ACVR2A: variants seen among roughly 807,000 people sequenced by gnomAD.
The protein encoded by ACVR2A is activin receptor type-2A.
ACVR2A carries 7 observed loss-of-function variants against 61.4 expected under a neutral mutation model. The observed-to-expected ratio is 0.11, with a 90% CI of 0.06 to 0.21. The LOEUF is 0.21. Among genes scored for constraint, ACVR2A ranks in the 10% least tolerant of loss-of-function variants. ACVR2A has a pLI of 1.00. For missense variants in ACVR2A, 322 were observed against 621.7 expected, an observed-to-expected ratio of 0.52 and a Z score of 5.13; for synonymous variants, 193 against 208.3, an observed-to-expected ratio of 0.93 and a Z score of 0.63.
chr2:147,844,951 T>A (rs1685260024), upstream of ACVR2A: 2 of 498,650 alleles, frequency 4.0e-6, no homozygotes, highest in Admixed American at 7.9e-5. Flanking sequence ...GCATTTTATT[T>A]TTTATCGTTG....
Position 147,866,128 on chromosome 2 carries a change from A to T in ACVR2A, c.55+20921A>T, listed in dbSNP as rs533270323. Reference sequence around the variant, plus strand: ...CAAAATGGTATCAAGCATTAAAGCCAGAGGGTTAGAAGTGACTGAGAAAAC... The same window carrying T: ...CAAAATGGTATCAAGCATTAAAGCCTGAGGGTTAGAAGTGACTGAGAAAAC... On this transcript the variant is annotated intron_variant, in intron 1 of 10. Coordinates refer to ENST00000241416, the MANE Select transcript of ACVR2A (RefSeq NM_001616.5). 3.3e-5 allele frequency among the ~76,000 whole-genome samples: 5 copies of T among 152,270 alleles called. No homozygotes were observed. The East Asian group carries it at 9.7e-4, about 29-fold the overall frequency.
chr2:147,897,764 T>C (rs765493550), intron 2 of ACVR2A, among the ~76,000 whole-genome samples: 3 of 152,198 alleles, frequency 2.0e-5, no homozygotes, highest in South Asian at 4.1e-4. Flanking sequence ...GATTTAGATA[T>C]ATATTTCGTA....
chr2:147,860,848 A>C (rs553293391), intron 1 of ACVR2A, among the ~76,000 whole-genome samples: 1 of 152,210 alleles, frequency 6.6e-6, no homozygotes, highest in East Asian at 1.9e-4. Flanking sequence ...CTGAAGACTT[A>C]GTATTTTTTA....
intron 4 of ACVR2A, among the ~76,000 whole-genome samples, chr2:147,914,812 A>G (rs1398901356): frequency 6.6e-6 from 1 of 151,958 alleles, no homozygotes; most frequent in Non-Finnish European, 1.5e-5. Context: ...TGTTTCTGGC[A>G]CTTTTCAAAT....
chr2:147,926,976 T>A (rs1380109170), intron 10 of ACVR2A, 104 bp from the exon 11 acceptor site: 1 of 1,113,880 alleles, frequency 9.0e-7, no homozygotes, highest in Non-Finnish European at 1.3e-6. Flanking sequence ...GACAGAAACT[T>A]CTTTGACCCA....
At chr2:147,925,030 G>T (rs543795338) in intron 9 of ACVR2A, among the ~76,000 whole-genome samples, 24 of 152,114 alleles carry the variant, frequency 1.6e-4, no homozygotes, top group African/African-American at 5.8e-4. Context: ...CTACCCAGGA[G>T]TATTTAGTGC....
At chr2:147,892,120 C>T (rs759924936) in intron 1 of ACVR2A, among the ~76,000 whole-genome samples, 11 of 151,808 alleles carry the variant, frequency 7.2e-5, no homozygotes, top group Non-Finnish European at 1.2e-4. Flanking sequence ...TACAGGTGCG[C>T]GCCACTATGC....
At chr2:147,871,318 T>G (rs761734498) in intron 1 of ACVR2A, among the ~76,000 whole-genome samples, 10 of 152,136 alleles carry the variant, frequency 6.6e-5, no homozygotes, top group Non-Finnish European at 8.8e-5. Flanking sequence ...TAATACTACT[T>G]AAATTAGTGG....
At chr2:147,898,028 T>C (rs1460956608) in intron 2 of ACVR2A, among the ~76,000 whole-genome samples, 1 of 152,158 alleles carries the variant, frequency 6.6e-6, no homozygotes, top group African/African-American at 2.4e-5. Flanking sequence ...CTTTGCTCTT[T>C]ACCTAAAGAC....
In ACVR2A at chr2:147,929,379, T is replaced by C. The variant is rs573683520; in HGVS notation, c.*2105T>C. On this transcript the variant is annotated 3_prime_UTR_variant, in exon 11 of 11. Transcript: ENST00000241416. ...AACATTTAACTTTCTTTTTAAAAGT[T>C]AAACAAAAATAAACAAGGGATATTA... 53 of 152,038 alleles carry C rather than the reference T, an allele frequency of 3.5e-4. No individual in the cohort carries two copies. The highest frequency in any genetic ancestry group is 1.2e-3 in the African/African-American group (51 of 41,512). 9.4% of individuals were successfully genotyped at this position (152,038 alleles called of 1,614,324 possible). A position where few individuals can be genotyped will look rare whatever the true frequency, so the allele number is the denominator to read the frequency against.
intron 1 of ACVR2A, among the ~76,000 whole-genome samples, chr2:147,881,602 A>AGTGTGTGTGTGTGT (rs145075375): frequency 1.1e-4 from 9 of 81,442 alleles, no homozygotes; most frequent in African/African-American, 2.6e-4. Context: ...GAAGCTGCTT[A>AGTGTGTGTGTGTGT]GTGTGTGTGT....
chr2:147,917,500 C>CA, intron 6 of ACVR2A, 74 bp downstream of exon 6: 1 of 1,491,244 alleles, frequency 6.7e-7, no homozygotes, highest in Non-Finnish European at 9.1e-7. Flanking sequence ...ATAAATCCCT[C>CA]AGAGTTATTT....
chr2:147,876,696 A>G (rs1686165646), intron 1 of ACVR2A, among the ~76,000 whole-genome samples: 1 of 152,152 alleles, frequency 6.6e-6, no homozygotes, highest in Non-Finnish European at 1.5e-5. Context: ...TTTAAAAAGC[A>G]GAATTGTTCT....
chr2:147,920,333 A>G lies in ACVR2A; in HGVS notation c.1066A>G (p.Thr356Ala). 1 of 1,610,946 alleles carries G rather than the reference A, an allele frequency of 6.2e-7. No homozygotes were observed. Among genetic ancestry groups the G allele is most frequent in the African/African-American group, 1.3e-5 (1 of 74,912 alleles). Residue 356 changes from threonine (T) to alanine (A), a missense_variant, in exon 8 of 11, where the codon ACC becomes GCC. By Grantham distance (58) the Thr-to-Ala change is moderately conservative (BLOSUM62 0). Around this residue, in one of 3 missense-constraint regions of ACVR2A, gnomAD observed 146 missense variants for 383.8 expected, o/e 0.38. Transcript: ENST00000241416. Reference protein sequence around the residue: ...KFEAGKSAGDTHGQVGTRRYM... With the variant: ...KFEAGKSAGDAHGQVGTRRYM... The stretch of plus-strand genomic sequence containing the variant: ...TGAGGCTGGCAAGTCTGCAGGCGAT[A>G]CCCATGGACAGGTAAGGATGATGAT...
chr2:147,903,690 A>G (rs1337936480), intron 4 of ACVR2A, among the ~76,000 whole-genome samples: 2 of 151,876 alleles, frequency 1.3e-5, no homozygotes, highest in Admixed American at 1.3e-4. Context: ...CTAACATTGT[A>G]TTAGTTGTAA....
chr2:147,853,309 C>T (rs1685491780), intron 1 of ACVR2A, among the ~76,000 whole-genome samples: 1 of 152,036 alleles, frequency 6.6e-6, no homozygotes, highest in Non-Finnish European at 1.5e-5. Flanking sequence ...ATTGTGAAGT[C>T]TAGTTAAAGA....
At chr2:147,866,478 A>T (rs1016762054) in intron 1 of ACVR2A, among the ~76,000 whole-genome samples, 1 of 152,204 alleles carries the variant, frequency 6.6e-6, no homozygotes, top group Non-Finnish European at 1.5e-5. Flanking sequence ...AAAGAGATTA[A>T]AGGAGCCAAG....
chr2:147,909,481 C>A (rs1464254698), intron 4 of ACVR2A, among the ~76,000 whole-genome samples: 3 of 152,080 alleles, frequency 2.0e-5, no homozygotes, highest in Admixed American at 2.0e-4. Context: ...ATCTTTTTCT[C>A]ACCTACAAAC....
intron 1 of ACVR2A, among the ~76,000 whole-genome samples, chr2:147,855,665 T>G (rs989880149): frequency 6.6e-6 from 1 of 152,148 alleles, no homozygotes; most frequent in East Asian, 1.9e-4. Context: ...TTAGTCATCT[T>G]ATTTTTTTTC....
Sources: gnomAD v4.1 joint callset for allele counts (sites outside exome capture counted in the v4.1 genomes callset) on GRCh38, gnomAD v4.1.1 for gene constraint, gnomAD v4.1.1 regional missense constraint, MANE v1.5 for transcripts, NCBI Gene and HGNC (gene_info 2026-07-23, HGNC 2026-07-21) for gene names.